RYR2: variants seen among roughly 807,000 people sequenced by gnomAD.
RYR2 encodes cardiac muscle ryanodine receptor-calcium release channel.
In RYR2, 227 loss-of-function variants were observed where a neutral mutation model predicts 601.1. The observed-to-expected ratio is 0.38, with a 90% CI of 0.34 to 0.42. The LOEUF is 0.42. Among genes scored for constraint, RYR2 ranks in the 10% least tolerant of loss-of-function variants. The pLI is 1.00. For synonymous variants in RYR2, 2,223 were observed against 2,175.1 expected (o/e 1.02, Z -0.61); for missense variants, 4,646 against 6,156.5 (o/e 0.75, Z 8.21).
chr1:237,662,183 A>G (rs1683866903), intron 56 of RYR2, among the ~76,000 whole-genome samples: 1 of 152,168 alleles, frequency 6.6e-6, no homozygotes, highest in African/African-American at 2.4e-5. Context: ...TGATTTGGGC[A>G]TACTTTACAT....
Position 237,375,958 on chromosome 1 carries a change from G to A in RYR2, c.463+1163G>A, listed in dbSNP as rs116282748. Among the ~76,000 whole-genome samples, 353 of 152,102 alleles carry A rather than the reference G, an allele frequency of 2.3e-3. 2 individuals are homozygous for A. The highest frequency in any genetic ancestry group is 7.9e-3 in the African/African-American group (328 of 41,522). ...TCCTTATGCTACTCTGTTTTTTCCCGTAGTTCCCTACCTCTTCTGAATTCC... is the reference window on the plus strand; with the variant it reads ...TCCTTATGCTACTCTGTTTTTTCCCATAGTTCCCTACCTCTTCTGAATTCC... On this transcript the variant is annotated intron_variant, in intron 7 of 104. Transcript: ENST00000366574.
intron 67 of RYR2, among the ~76,000 whole-genome samples, chr1:237,706,718 G>A (rs1394832798): frequency 1.3e-5 from 2 of 152,192 alleles, no homozygotes; most frequent in Non-Finnish European, 2.9e-5. Context: ...ATTGTTTGCT[G>A]TAAAGTAGGA....
Position 237,712,165 on chromosome 1 carries a change from C to T in RYR2, c.10323+328C>T, listed in dbSNP as rs1330941084. Among the ~76,000 whole-genome samples, 5 of 152,040 alleles carry T rather than the reference C, an allele frequency of 3.3e-5. No homozygotes were observed. The East Asian group carries it at 5.9e-4, about 18-fold the overall frequency. On this transcript the variant is annotated intron_variant, in intron 71 of 104. Transcript: ENST00000366574. ...GGAGGTAGAGAGAGCAAGGAGAAGACGTGGGCGAGAGCTTGCCTCGTGGTC... is the reference window on the plus strand; with the variant it reads ...GGAGGTAGAGAGAGCAAGGAGAAGATGTGGGCGAGAGCTTGCCTCGTGGTC...
At chr1:237,086,230 G>C (rs1572581453) in intron 1 of RYR2, among the ~76,000 whole-genome samples, 1 of 152,194 alleles carries the variant, frequency 6.6e-6, no homozygotes, top group Non-Finnish European at 1.5e-5. Flanking sequence ...TTCTTCTAAA[G>C]CCTCTCCCCT....
At chr1:237,751,745 A>T (rs1692551728) in intron 80 of RYR2, among the ~76,000 whole-genome samples, 1 of 152,228 alleles carries the variant, frequency 6.6e-6, no homozygotes, top group African/African-American at 2.4e-5. Context: ...AGAGTGTTAA[A>T]GAGACAGCAT....
At chr1:237,742,606 C>T (rs1186487615) in intron 80 of RYR2, among the ~76,000 whole-genome samples, 2 of 152,118 alleles carry the variant, frequency 1.3e-5, no homozygotes, top group Non-Finnish European at 2.9e-5. Context: ...AGAGATGAGA[C>T]GGCTTCAAAT....
intron 1 of RYR2, among the ~76,000 whole-genome samples, chr1:237,143,767 C>A (rs1054944939): frequency 1.3e-5 from 2 of 152,150 alleles, no homozygotes; most frequent in Non-Finnish European, 1.5e-5. Flanking sequence ...TCAAATACCC[C>A]CTGTCTGACC....
Position 237,376,931 on chromosome 1 carries a change from A to G in RYR2, c.464-392A>G, listed in dbSNP as rs191659550. ...ATTGTTACAATTGTCACGTCACAAAACCCCAAGTCCTTATGAAAATTGACA... is the reference window on the plus strand; with the variant it reads ...ATTGTTACAATTGTCACGTCACAAAGCCCCAAGTCCTTATGAAAATTGACA... On this transcript the variant is annotated intron_variant, in intron 7 of 104. Coordinates refer to ENST00000366574, the MANE Select transcript of RYR2 (RefSeq NM_001035.3). Among the ~76,000 whole-genome samples the G allele has an allele frequency of 1.2e-3, 176 of 152,298 alleles. 2 individuals carry two copies. The highest frequency in any genetic ancestry group is 4.1e-3 in the African/African-American group (169 of 41,568).
chr1:237,147,103 G>A (rs1674081520), intron 1 of RYR2, among the ~76,000 whole-genome samples: 1 of 152,102 alleles, frequency 6.6e-6, no homozygotes, highest in African/African-American at 2.4e-5. Flanking sequence ...TGAAAATATA[G>A]ATGTGAAATC....
At chr1:237,253,527 C>G (rs1324250543) in intron 1 of RYR2, among the ~76,000 whole-genome samples, 1 of 152,208 alleles carries the variant, frequency 6.6e-6, no homozygotes, top group Non-Finnish European at 1.5e-5. Context: ...TTTTCAAAAC[C>G]TAGTCCTAAA....
chr1:237,454,994 G>A (rs961455044), intron 15 of RYR2, among the ~76,000 whole-genome samples: 7 of 152,118 alleles, frequency 4.6e-5, no homozygotes, highest in Non-Finnish European at 1.0e-4. Context: ...AGGAAGCTTC[G>A]TGTTGGGGAT....
intron 5 of RYR2, among the ~76,000 whole-genome samples, chr1:237,368,055 T>A (rs947139530): frequency 6.6e-6 from 1 of 151,134 alleles, no homozygotes; most frequent in Non-Finnish European, 1.5e-5. Flanking sequence ...ATGGGGAGAG[T>A]GAGTAGCTTT....
Position 237,700,242 on chromosome 1 carries a change from A to G in RYR2, c.9142A>G (p.Thr3048Ala). 6.4e-7 allele frequency: 1 copy of G among 1,564,506 alleles called. No homozygotes were observed. Among genetic ancestry groups the G allele is most frequent in the South Asian group, 1.2e-5 (1 of 85,090 alleles). ...TTTACTTTCTAGGACAGTGATGAAG[A>G]CTGGCCTGGAGAGTGTTAAAAGTGC... Reference protein sequence around the residue: ...QTLDARTVMKTGLESVKSALR... With the variant: ...QTLDARTVMKAGLESVKSALR... The change falls in exon 65 of 105, where the codon ACT becomes GCT. Residue 3048 changes from threonine to alanine, a missense_variant. Physicochemically the swap from Thr to Ala is moderately conservative, Grantham distance 58. Around this residue, in one of 17 missense-constraint regions of RYR2, gnomAD observed 1,497 missense variants for 1,842.6 expected, o/e 0.81. Transcript: ENST00000366574.
intron 6 of RYR2, among the ~76,000 whole-genome samples, chr1:237,373,655 T>G (rs898139109): frequency 6.6e-6 from 1 of 152,158 alleles, no homozygotes; most frequent in Non-Finnish European, 1.5e-5. Context: ...TGAAAAATGA[T>G]CCTAAACTTT....
chr1:237,227,791 C>T (rs760005872), intron 1 of RYR2, among the ~76,000 whole-genome samples: 1 of 152,100 alleles, frequency 6.6e-6, no homozygotes, highest in Non-Finnish European at 1.5e-5. Flanking sequence ...CACTTGCAAC[C>T]CTGCACTGGA....
rs1559110709 is a variant in RYR2, at chr1:237,610,934, T to C, written c.4856T>C (p.Val1619Ala). ...ATAAGTGAACGCCAAGGCTGGTTGG[T>C]GCAGTGTTTGGATCCTCTGCAGTTC... Reference protein sequence around the residue: ...SRISERQGWLVQCLDPLQFMS... With the variant: ...SRISERQGWLAQCLDPLQFMS... The change falls in exon 36 of 105, where the codon GTG (valine) becomes GCG (alanine). Residue 1619 changes from valine (V) to alanine (A), a missense_variant. By Grantham distance (64) the Val-to-Ala change is moderately conservative. This residue lies in a region of RYR2 where 1,807 missense variants were observed against 2,088.1 expected (regional missense o/e 0.87). Transcript: ENST00000366574. The surrounding 1 kb of genome is among the most constrained non-coding windows in gnomAD (Gnocchi z 4.9). 6.2e-7 allele frequency: 1 copy of C among 1,613,596 alleles called. No individual in the cohort carries two copies. Among genetic ancestry groups the C allele is most frequent in the Non-Finnish European group, 8.5e-7 (1 of 1,179,758 alleles).
In RYR2 at chr1:237,045,485, C is replaced by A. The variant is rs548795510; in HGVS notation, c.48+2916C>A. Among the ~76,000 whole-genome samples, 4 of 152,256 alleles carry A rather than the reference C, an allele frequency of 2.6e-5. No homozygotes were observed. The South Asian group carries it at 8.3e-4, about 32-fold the overall frequency. Reference sequence around the variant, plus strand: ...TTATGTAGATGAATGATCATTGATTCAGTGGCTCCCCCATCTGTTGGAAAC... The same window carrying A: ...TTATGTAGATGAATGATCATTGATTAAGTGGCTCCCCCATCTGTTGGAAAC... On this transcript the variant is annotated intron_variant, in intron 1 of 104. Coordinates refer to ENST00000366574, the MANE Select transcript of RYR2 (RefSeq NM_001035.3).
At chr1:237,710,724 G>GC (rs1688767712) in intron 70 of RYR2, among the ~76,000 whole-genome samples, 1 of 20,590 alleles carries the variant, frequency 4.9e-5, no homozygotes, top group South Asian at 2.3e-3. Context: ...GATAATGCAT[G>GC]CCCGGTGACA....
intron 24 of RYR2, among the ~76,000 whole-genome samples, chr1:237,524,880 T>C (rs1401580201): frequency 1.3e-5 from 2 of 152,270 alleles, no homozygotes; most frequent in East Asian, 3.9e-4. Flanking sequence ...TTATGGAAGG[T>C]AGTCTGATTT....
Sources: gnomAD v4.1 joint callset for allele counts (sites outside exome capture counted in the v4.1 genomes callset) on GRCh38, gnomAD v4.1.1 for gene constraint, gnomAD v4.1.1 regional missense constraint, Gnocchi (gnomAD v3.1) non-coding constraint, MANE v1.5 for transcripts, NCBI Gene and HGNC (gene_info 2026-07-23, HGNC 2026-07-21) for gene names.